EXOC2: variants seen among roughly 807,000 people sequenced by gnomAD.
The protein encoded by EXOC2 is SEC5-like 1.
Under a neutral mutation model 131.8 loss-of-function variants are expected in EXOC2, and 70 were observed. The observed-to-expected ratio is 0.53, with a 90% CI of 0.44 to 0.65. The LOEUF (loss-of-function observed/expected upper bound fraction) is 0.65. EXOC2 is among the 30% of genes least tolerant of loss of function. The probability of loss-of-function intolerance (pLI) is 0.00; values close to 1 mark genes in which losing one functional copy is unlikely to be tolerated. For synonymous variants in EXOC2, 411 were observed against 398.4 expected, an observed-to-expected ratio of 1.03 and a Z score of -0.38; for missense variants, 923 against 1,108.6, an observed-to-expected ratio of 0.83 and a Z score of 2.38.
intron 23 of EXOC2, among the ~76,000 whole-genome samples, chr6:508,046 A>AT (rs892032135): frequency 4.2e-4 from 64 of 152,244 alleles, no homozygotes; most frequent in African/African-American, 1.3e-3. Context: ...CTATGAATAT[A>AT]TTTTTTTCCT....
At chr6:546,296 T>C (rs951884139) in intron 22 of EXOC2, among the ~76,000 whole-genome samples, 6 of 152,194 alleles carry the variant, frequency 3.9e-5, no homozygotes, top group Admixed American at 1.3e-4. Flanking sequence ...CGCTCCCTGT[T>C]GGCACATACT....
intron 21 of EXOC2, 59 bp from the exon 22 acceptor site, chr6:549,350 T>C: frequency 8.2e-7 from 1 of 1,226,200 alleles, no homozygotes; most frequent in South Asian, 1.3e-5. Context: ...GAATAGCTGA[T>C]TAACACTTGT....
intron 23 of EXOC2, chr6:525,546 G>A (rs955484512): frequency 5.9e-5 from 9 of 152,166 alleles, no homozygotes; most frequent in African/African-American, 2.2e-4. Flanking sequence ...TCAAGTGTGT[G>A]TCCAAGAAGA....
chr6:522,504 G>T (rs1246148779), intron 23 of EXOC2, among the ~76,000 whole-genome samples: 4 of 151,854 alleles, frequency 2.6e-5, no homozygotes, highest in Non-Finnish European at 5.9e-5. Flanking sequence ...CGCTGAACTG[G>T]GCTGGGCTCA....
chr6:497,622 T>C (rs1181423479), intron 24 of EXOC2, 133 bp from the exon 25 acceptor site: 2 of 1,188,146 alleles, frequency 1.7e-6, no homozygotes, highest in Non-Finnish European at 1.1e-6. Context: ...AGGCCAAAAT[T>C]ATAAATGAAA....
intron 23 of EXOC2, among the ~76,000 whole-genome samples, chr6:515,648 A>G (rs1765110058): frequency 1.3e-5 from 2 of 150,746 alleles, no homozygotes; most frequent in South Asian, 4.2e-4. Context: ...AGAGACGCAC[A>G]CAGCTGGGGC....
At chr6:552,576 C>T (rs941751620) in intron 21 of EXOC2, among the ~76,000 whole-genome samples, 3 of 152,104 alleles carry the variant, frequency 2.0e-5, no homozygotes, top group Admixed American at 2.0e-4. Flanking sequence ...TAAACAAGGA[C>T]ATTCAATCAC....
At chr6:627,417 G>A (rs1390383486) in intron 4 of EXOC2, among the ~76,000 whole-genome samples, 7 of 151,966 alleles carry the variant, frequency 4.6e-5, no homozygotes, top group African/African-American at 7.3e-5. Context: ...ACTTTCAGAC[G>A]GACAGAAGGA....
In EXOC2 at chr6:486,613, G is replaced by T; in HGVS notation, c.*58C>A. The stretch of plus-strand genomic sequence containing the variant: ...ACACCAAATACCTTTAGGGTACTTA[G>T]AGAGTGAACAGTCTTATTACGTGTT... On this transcript the variant is annotated 3_prime_UTR_variant, in exon 28 of 28. Transcript: ENST00000230449. 1 of 1,433,076 alleles carries T rather than the reference G, an allele frequency of 7.0e-7. No homozygotes were observed. The highest frequency in any genetic ancestry group is 9.8e-7 in the Non-Finnish European group (1 of 1,017,714). The allele number at this position is 1,433,076 out of a possible 1,614,324, so 88.8% of individuals were successfully genotyped here. A position where few individuals can be genotyped will look rare whatever the true frequency, so the allele number is the denominator to read the frequency against.
At chr6:605,489 T>A (rs1457430660) in intron 7 of EXOC2, among the ~76,000 whole-genome samples, 4 of 152,268 alleles carry the variant, frequency 2.6e-5, no homozygotes, top group African/African-American at 9.6e-5. Flanking sequence ...TTCATTTGCG[T>A]AGAGGTGTTT....
At chr6:671,567 C>T (rs1763873193) in intron 1 of EXOC2, among the ~76,000 whole-genome samples, 1 of 152,150 alleles carries the variant, frequency 6.6e-6, no homozygotes, top group Admixed American at 6.6e-5. Context: ...TGACCTATAT[C>T]ATTTTGCTTC....
Position 607,463 on chromosome 6 carries a change from C to A in EXOC2, c.742+2635G>T, listed in dbSNP as rs1216683620. Among the ~76,000 whole-genome samples, 6 of 152,212 alleles carry A rather than the reference C, an allele frequency of 3.9e-5. 1 individual carries two copies. Among genetic ancestry groups the A allele is most frequent in the Admixed American group, 2.0e-4 (3 of 15,276 alleles). ...CGAGCAACACCTGCCCTGCAGTAGG[C>A]CCTCCACAAGCGTGAGCTACGACTG... On this transcript the variant is annotated intron_variant, in intron 7 of 27. Coordinates refer to ENST00000230449, the MANE Select transcript of EXOC2 (RefSeq NM_018303.6).
chr6:490,838 A>C (rs79141734), intron 26 of EXOC2, among the ~76,000 whole-genome samples: 5,102 of 152,298 alleles, frequency 0.034, 295 homozygotes, highest in African/African-American at 0.12. Context: ...TGTCCTTCAG[A>C]GTCTGCTATG....
chr6:618,542 C>A (rs1258604273), intron 5 of EXOC2, among the ~76,000 whole-genome samples: 2 of 152,208 alleles, frequency 1.3e-5, no homozygotes, highest in East Asian at 3.8e-4. Context: ...AGAAATTCTA[C>A]ATCTGTAATG....
chr6:658,362 C>T (rs1312483708), intron 1 of EXOC2, among the ~76,000 whole-genome samples: 4 of 151,986 alleles, frequency 2.6e-5, no homozygotes, highest in Non-Finnish European at 5.9e-5. Flanking sequence ...CAGATGAATT[C>T]TAAAATATTT....
At chr6:539,296 C>A (rs1463522230) in intron 22 of EXOC2, among the ~76,000 whole-genome samples, 1 of 152,138 alleles carries the variant, frequency 6.6e-6, no homozygotes, top group Non-Finnish European at 1.5e-5. Flanking sequence ...ATGCTGGAGG[C>A]AGAATTCTGG....
chr6:655,237 A>G, intron 1 of EXOC2, among the ~76,000 whole-genome samples: 1 of 152,252 alleles, frequency 6.6e-6, no homozygotes, highest in East Asian at 1.9e-4. Context: ...AGAGGGAGGT[A>G]AAGACCTCCC....
Position 567,285 on chromosome 6 carries a change from G to A in EXOC2, c.1444-2356C>T, listed in dbSNP as rs186389766. Among the ~76,000 whole-genome samples, 15 of 152,226 alleles carry A rather than the reference G, an allele frequency of 9.9e-5. No individual in the cohort carries two copies. In the East Asian group the frequency reaches 1.9e-3, roughly 20 times the overall value. ...GAGCTGCCCTCCTGGTGCTGCAGGCGTCCTTCTCGCTGCCTGGGGCCTGCT... is the reference window on the plus strand; with the variant it reads ...GAGCTGCCCTCCTGGTGCTGCAGGCATCCTTCTCGCTGCCTGGGGCCTGCT... On this transcript the variant is annotated intron_variant, in intron 13 of 27. Transcript: ENST00000230449.
chr6:511,498 T>G (rs976026824), intron 23 of EXOC2, among the ~76,000 whole-genome samples: 2 of 152,250 alleles, frequency 1.3e-5, no homozygotes, highest in Non-Finnish European at 1.5e-5. Context: ...AGGAGACTAA[T>G]TTTTGAATAT....
Sources: allele counts gnomAD v4.1 joint callset (sites outside exome capture counted in the v4.1 genomes callset), GRCh38; gene constraint gnomAD v4.1.1; transcripts MANE v1.5; gene names NCBI Gene and HGNC (gene_info 2026-07-23, HGNC 2026-07-21).